ANKRD6: variants seen among roughly 807,000 people sequenced by gnomAD.
ANKRD6 encodes the protein ankyrin repeat domain-containing protein 6.
Under a neutral mutation model 82.3 loss-of-function variants are expected in ANKRD6, and 56 were observed. The ratio of observed to expected loss-of-function variants is 0.68; its 90% CI spans 0.55 to 0.85. The LOEUF is 0.85. ANKRD6 is among the 40% of genes least tolerant of loss of function. The probability of loss-of-function intolerance (pLI) is 0.00; values close to 1 mark genes in which losing one functional copy is unlikely to be tolerated. For missense variants in ANKRD6, 852 were observed against 907.6 expected (o/e 0.94, Z 0.79); for synonymous variants, 347 against 352.1 (o/e 0.99, Z 0.16).
At chr6:89,628,770 C>CA (rs201088314) in intron 14 of ANKRD6, 34,916 of 239,464 alleles carry the variant, frequency 0.15, 2,217 homozygotes, top group Non-Finnish European at 0.17. Context: ...ACTTCCATCT[C>CA]AAAAAACAAA....
chr6:89,495,677 TCAAA>T (rs970659868), intron 1 of ANKRD6, among the ~76,000 whole-genome samples: 3 of 152,220 alleles, frequency 2.0e-5, no homozygotes, highest in Non-Finnish European at 4.4e-5. Flanking sequence ...TTTTTACTTA[TCAAA>T]CAAACTCTCT....
At chr6:89,622,107 C>A in intron 10 of ANKRD6, 81 bp downstream of exon 10, 3 of 1,294,550 alleles carry the variant, frequency 2.3e-6, no homozygotes, top group Non-Finnish European at 3.3e-6. Context: ...CGGCCAGGTT[C>A]ACCTGGTGGC....
In ANKRD6 at chr6:89,623,443, G is replaced by A; in HGVS notation, c.931G>A (p.Glu311Lys). ...SVSAGDTPSS[E>K]QAVARKEEAR... ...CTCAGCAGGAGACACCCCCAGCAGT[G>A]AACAGGCTGTGGCCAGAAAAGAAGA... The change falls in exon 11 of 16, where the codon GAA (glutamate) becomes AAA (lysine). Residue 311 changes from glutamate to lysine, a missense_variant. By Grantham distance (56) the Glu-to-Lys change is moderately conservative. Coordinates refer to ENST00000339746, the MANE Select transcript of ANKRD6 (RefSeq NM_001242809.2). The A allele has an allele frequency of 6.2e-7, 1 of 1,611,604 alleles. No individual in the cohort carries two copies. Among genetic ancestry groups the A allele is most frequent in the Non-Finnish European group, 8.5e-7 (1 of 1,178,868 alleles).
At chr6:89,591,582 T>C (rs1166160417) in intron 2 of ANKRD6, among the ~76,000 whole-genome samples, 1 of 152,220 alleles carries the variant, frequency 6.6e-6, no homozygotes, top group African/African-American at 2.4e-5. Context: ...TTCCAGCTTT[T>C]CCCATTAGTC....
intron 3 of ANKRD6, 36 bp from the exon 4 acceptor site, chr6:89,602,993 G>A (rs1431129077): frequency 6.5e-7 from 1 of 1,543,050 alleles, no homozygotes; most frequent in South Asian, 1.2e-5. Context: ...GTGCAGGGGA[G>A]CTGACTGCTG....
At chr6:89,546,485 A>G (rs1785113975) in intron 1 of ANKRD6, among the ~76,000 whole-genome samples, 1 of 151,978 alleles carries the variant, frequency 6.6e-6, no homozygotes, top group African/African-American at 2.4e-5. Context: ...TGATTTTGAG[A>G]TGGAGTCTCA....
chr6:89,571,155 C>T (rs1789792747), intron 2 of ANKRD6, among the ~76,000 whole-genome samples: 1 of 152,080 alleles, frequency 6.6e-6, no homozygotes, highest in South Asian at 2.1e-4. Flanking sequence ...GGGTTCACGC[C>T]ATTCTCCTGC....
intron 1 of ANKRD6, among the ~76,000 whole-genome samples, chr6:89,555,285 A>G (rs546977365): frequency 5.3e-5 from 8 of 152,072 alleles, no homozygotes; most frequent in African/African-American, 1.7e-4. Flanking sequence ...TACTTAGAAT[A>G]TAAGAAGAGA....
chr6:89,511,817 G>T (rs555693931), intron 1 of ANKRD6, among the ~76,000 whole-genome samples: 1 of 152,126 alleles, frequency 6.6e-6, no homozygotes, highest in African/African-American at 2.4e-5. Flanking sequence ...AAATGATTTT[G>T]TGGCAAATAA....
At chr6:89,606,975 G>A (rs1162703573) in intron 5 of ANKRD6, among the ~76,000 whole-genome samples, 1 of 152,174 alleles carries the variant, frequency 6.6e-6, no homozygotes, top group East Asian at 1.9e-4. Flanking sequence ...TTCAAGACCA[G>A]CCTGGCCAAC....
At chr6:89,595,418 C>G (rs1795686934) in intron 2 of ANKRD6, among the ~76,000 whole-genome samples, 1 of 151,734 alleles carries the variant, frequency 6.6e-6, no homozygotes, top group Non-Finnish European at 1.5e-5. Context: ...AGAGTCAGAC[C>G]CTGTCTCAAA....
At chr6:89,441,012 G>A (rs1277078864) in intron 1 of ANKRD6, among the ~76,000 whole-genome samples, 1 of 152,008 alleles carries the variant, frequency 6.6e-6, no homozygotes, top group Non-Finnish European at 1.5e-5. Context: ...AAAACATGTT[G>A]ATGATGCCTT....
intron 1 of ANKRD6, among the ~76,000 whole-genome samples, chr6:89,496,400 T>C (rs1433749508): frequency 6.6e-6 from 1 of 152,114 alleles, no homozygotes; most frequent in Non-Finnish European, 1.5e-5. Context: ...AGTCAACGTG[T>C]AAACACAGAG....
intron 2 of ANKRD6, among the ~76,000 whole-genome samples, chr6:89,579,620 G>A (rs1198073830): frequency 6.6e-6 from 1 of 151,908 alleles, no homozygotes; most frequent in Non-Finnish European, 1.5e-5. Context: ...AGTCGGGTGT[G>A]GTGGTGCACG....
chr6:89,622,128 T>A, intron 10 of ANKRD6, 102 bp downstream of exon 10: 3 of 946,486 alleles, frequency 3.2e-6, no homozygotes, highest in South Asian at 3.3e-5. Flanking sequence ...TGCCCGGCCC[T>A]CTCTGCCTCT....
chr6:89,574,832 T>C (rs1562882946), intron 2 of ANKRD6, among the ~76,000 whole-genome samples: 2 of 152,204 alleles, frequency 1.3e-5, no homozygotes, highest in Non-Finnish European at 2.9e-5. Flanking sequence ...AAAGTTCCCC[T>C]TGGCCCTTGA....
At chr6:89,570,768 C>T (rs1424947799) in intron 2 of ANKRD6, among the ~76,000 whole-genome samples, 3 of 152,148 alleles carry the variant, frequency 2.0e-5, no homozygotes, top group Non-Finnish European at 4.4e-5. Context: ...ATGTATATGC[C>T]ACATCTGGTT....
At chr6:89,571,255 G>A (rs555593521) in intron 2 of ANKRD6, among the ~76,000 whole-genome samples, 3 of 152,048 alleles carry the variant, frequency 2.0e-5, no homozygotes, top group South Asian at 2.1e-4. Flanking sequence ...AGGTTTCACC[G>A]TGTTAGCCAG....
intron 1 of ANKRD6, among the ~76,000 whole-genome samples, chr6:89,442,350 G>A (rs975334764): frequency 6.6e-6 from 1 of 152,174 alleles, no homozygotes; most frequent in Admixed American, 6.5e-5. Flanking sequence ...CAGGCTGGGT[G>A]AGGTGGCTCA....
Sources: allele counts gnomAD v4.1 joint callset (sites outside exome capture counted in the v4.1 genomes callset), GRCh38; gene constraint gnomAD v4.1.1; transcripts MANE v1.5; gene names NCBI Gene and HGNC (gene_info 2026-07-23, HGNC 2026-07-21).